The following MZT2A variants were observed in gnomAD, a reference collection of about 807,000 sequenced individuals.
MZT2A encodes mitotic-spindle organizing protein 2A.
MZT2A carries 8 observed loss-of-function variants against 12.4 expected under a neutral mutation model. The ratio of observed to expected loss-of-function variants is 0.64; its 90% confidence interval spans 0.38 to 1.16. The LOEUF is 1.16. MZT2A is among the 50% of genes most tolerant of loss of function. The probability of loss-of-function intolerance (pLI) is 0.01; values close to 1 mark genes in which losing one functional copy is unlikely to be tolerated. For missense variants in MZT2A, 181 were observed against 223.6 expected (o/e 0.81, Z 1.22); for synonymous variants, 88 against 107.5 (o/e 0.82, Z 1.12).
intron 2 of MZT2A, chr2:131,490,427 TC>T: frequency 7.9e-7 from 1 of 1,273,436 alleles, no homozygotes; most frequent in African/African-American, 1.5e-5. Flanking sequence ...CTGGCTGTCT[TC>T]CCCTGGAGAG....
chr2:131,490,803 G>A, intron 2 of MZT2A: 2 of 1,550,008 alleles, frequency 1.3e-6, no homozygotes, highest in Middle Eastern at 1.7e-4. Context: ...GGGCTGTGGA[G>A]CATAACCAGA....
At chr2:131,480,947 A>G (rs1427647925), downstream of MZT2A, among the ~76,000 whole-genome samples, 1 of 151,286 alleles carries the variant, frequency 6.6e-6, no homozygotes, top group East Asian at 1.9e-4. Flanking sequence ...TCTGTCAACC[A>G]GGCTGGAGTG....
chr2:131,490,421 C>T, intron 2 of MZT2A: 1 of 1,255,462 alleles, frequency 8.0e-7, no homozygotes, highest in African/African-American at 1.5e-5. Flanking sequence ...ACCCGGCTGG[C>T]TGTCTTCCCC....
chr2:131,478,642 G>C lies in MZT2A; in HGVS notation c.279-6460C>G, dbSNP rs573158254. The C allele has an allele frequency of 2.0e-5, 14 of 700,768 alleles. No individual in the cohort carries two copies. The East Asian group carries it at 3.7e-4, about 18-fold the overall frequency. The allele number at this position is 700,768 out of a possible 1,614,324, so 43.4% of individuals were successfully genotyped here. ...AGATGGGCTGTGAAGAGATTCCCTC[G>C]TGCGTGCCTCAGCCCTGCTCAGGTG... On this transcript the variant is annotated intron_variant and NMD_transcript_variant, in intron 2 of 4. Transcript: ENST00000427024.
chr2:131,471,171 C>G lies in MZT2A; in HGVS notation c.394-828G>C, dbSNP rs1704974882. Among the ~76,000 whole-genome samples, 2 of 139,578 alleles carry G rather than the reference C, an allele frequency of 1.4e-5. 1 individual carries two copies. The highest frequency in any genetic ancestry group is 6.8e-5 in the African/African-American group (2 of 29,546). 91.6% of individuals were successfully genotyped at this position (139,578 alleles called of 152,430 possible). Reference sequence around the variant, plus strand: ...GGAGAAAAGGCCTCCCCAGGCCTCTCTGGGTCCAGCTCAGAGTCACTGTGA... The same window carrying G: ...GGAGAAAAGGCCTCCCCAGGCCTCTGTGGGTCCAGCTCAGAGTCACTGTGA... On this transcript the variant is annotated intron_variant and NMD_transcript_variant, in intron 3 of 4. Transcript: ENST00000427024.
chr2:131,492,856 A>C (rs1679404265), upstream of MZT2A: 6 of 1,487,656 alleles, frequency 4.0e-6, no homozygotes, highest in Admixed American at 4.1e-5. Flanking sequence ...AAAGTGCGTG[A>C]GCCCTACCTT....
At chr2:131,481,510 A>G (rs1573862955), downstream of MZT2A, among the ~76,000 whole-genome samples, 1 of 145,538 alleles carries the variant, frequency 6.9e-6, no homozygotes, top group South Asian at 2.2e-4. Context: ...ATCTTGACTC[A>G]CTGCAACCTC....
rs2104730789 is a variant in MZT2A at position 131,483,978 on chromosome 2, T to C, written c.*83A>G. The C allele has an allele frequency of 6.6e-7, 1 of 1,507,332 alleles. No homozygotes were observed. Among genetic ancestry groups the C allele is most frequent in the Non-Finnish European group, 8.9e-7 (1 of 1,127,330 alleles). 93.4% of individuals were successfully genotyped at this position (1,507,332 alleles called of 1,614,324 possible). ...GAGCATCTGACCTGGACCCTCTGCATCTCAGAAAGGTTTATTATCAACTGA... is the reference window on the plus strand; with the variant it reads ...GAGCATCTGACCTGGACCCTCTGCACCTCAGAAAGGTTTATTATCAACTGA... On this transcript the variant is annotated 3_prime_UTR_variant, in exon 3 of 3. Transcript: ENST00000309451.
downstream of MZT2A, among the ~76,000 whole-genome samples, chr2:131,482,387 G>A (rs1169263193): frequency 6.6e-6 from 1 of 152,178 alleles, no homozygotes; most frequent in African/African-American, 2.4e-5. Flanking sequence ...TCCTCATCTG[G>A]AACTATCACC....
At chr2:131,472,824 A>G (rs929233412) in intron 2 of MZT2A, among the ~76,000 whole-genome samples, 5 of 152,150 alleles carry the variant, frequency 3.3e-5, no homozygotes, top group African/African-American at 1.2e-4. Context: ...GGCTGGACTG[A>G]AGAGCACCGT....
At chr2:131,487,720 T>C (rs1392371270) in intron 2 of MZT2A, among the ~76,000 whole-genome samples, 12 of 152,254 alleles carry the variant, frequency 7.9e-5, no homozygotes, top group African/African-American at 2.7e-4. Context: ...CCTCCAAAAA[T>C]GTTGGGATTA....
chr2:131,478,077 T>C (rs1678734740), intron 2 of MZT2A: 9 of 1,521,718 alleles, frequency 5.9e-6, no homozygotes, highest in Non-Finnish European at 8.0e-6. Context: ...AAGCAGTATA[T>C]AAATATTAAA....
intron 2 of MZT2A, chr2:131,472,248 T>C (rs3102000): frequency 5.0e-4 from 611 of 1,212,236 alleles, no homozygotes; most frequent in Middle Eastern, 4.2e-3. Context: ...TATATGTAAA[T>C]GTTGTTAGCT....
chr2:131,480,484 G>A (rs773142096), downstream of MZT2A: 92 of 1,589,022 alleles, frequency 5.8e-5, 6 homozygotes, highest in South Asian at 1.5e-4. Context: ...CCGTACCCCC[G>A]CATCCACTTC....
At chr2:131,486,720 G>A (rs1353292426) in intron 2 of MZT2A, among the ~76,000 whole-genome samples, 2 of 151,954 alleles carry the variant, frequency 1.3e-5, no homozygotes, top group Non-Finnish European at 2.9e-5. Context: ...GGAACCCATG[G>A]CCTCGAGGGA....
intron 2 of MZT2A, chr2:131,490,936 G>T (rs1336277982): frequency 1.8e-5 from 28 of 1,549,442 alleles, no homozygotes; most frequent in Non-Finnish European, 2.4e-5. Context: ...CAGAGCGAGG[G>T]TCAGTGAAGA....
At chr2:131,474,584 A>G (rs1231654503) in intron 2 of MZT2A, among the ~76,000 whole-genome samples, 1 of 149,304 alleles carries the variant, frequency 6.7e-6, no homozygotes, top group Non-Finnish European at 1.5e-5. Flanking sequence ...TAATTTTTGT[A>G]TTTTTAGTAG....
At chr2:131,479,275 A>G, downstream of MZT2A, 1 of 1,609,666 alleles carries the variant, frequency 6.2e-7, no homozygotes, top group Non-Finnish European at 8.5e-7. Context: ...TACAGGCCTT[A>G]AAAATTCACA....
downstream of MZT2A, chr2:131,480,665 C>T (rs756947732): frequency 2.5e-6 from 4 of 1,613,846 alleles, no homozygotes; most frequent in Admixed American, 6.7e-5. Flanking sequence ...GGGACGTGGT[C>T]CCCAAAGACG....
Sources: gnomAD v4.1 joint callset for allele counts (sites outside exome capture counted in the v4.1 genomes callset) on GRCh38, gnomAD v4.1.1 for gene constraint, MANE v1.5 for transcripts, NCBI Gene and HGNC (gene_info 2026-07-23, HGNC 2026-07-21) for gene names.